Variants in ASMTL observed in about 807,000 individuals in gnomAD.
The protein encoded by ASMTL is acetylserotonin O-methyltransferase like, also known as probable bifunctional dTTP/UTP pyrophosphatase/methyltransferase protein.
Under a neutral mutation model 60.3 loss-of-function variants are expected in ASMTL, and 57 were observed. That is an observed-to-expected ratio of 0.95 (90% CI 0.76 to 1.18). The LOEUF is 1.18. Ranked by LOEUF, ASMTL falls within the 50% of genes most tolerant of loss-of-function variation. The pLI is 0.00. For synonymous variants in ASMTL, 419 were observed against 373.0 expected (o/e 1.12, Z -1.42); for missense variants, 981 against 852.6 (o/e 1.15, Z -1.88).
chrX:1,451,839 C>G (rs1428249503), intron 1 of ASMTL, among the ~76,000 whole-genome samples: 1 of 147,436 alleles, frequency 6.8e-6, no homozygotes, highest in African/African-American at 2.5e-5. Context: ...TTACTCTCCC[C>G]ATCCCCATCC....
At chrX:1,435,394 C>T (rs182372205) in intron 4 of ASMTL, 598 of 604,420 alleles carry the variant, frequency 9.9e-4, no homozygotes, top group East Asian at 4.7e-3. Context: ...TCCCAGGCTA[C>T]GGGCTCAGGT....
Position 1,417,979 on chromosome X carries a change from C to T in ASMTL, c.1516G>A (p.Ala506Thr), listed in dbSNP as rs1217812777. 38 of 1,608,242 alleles carry T rather than the reference C, an allele frequency of 2.4e-5. No homozygotes were observed. The highest frequency in any genetic ancestry group is 6.7e-5 in the African/African-American group (5 of 74,812). ...PGPQAVQIHF[A>T]AGDFFRDPLP... is the part of the protein sequence containing the mutation. ...GAACAGGAGGAGGGCTCACCTGCTG[C>T]GAAGTGGATCTGCACTGCCTGCGGT... Residue 506 changes from alanine (A) to threonine (T), a missense_variant, in exon 11 of 13, where the codon GCA becomes ACA. Coordinates refer to ENST00000381317, the MANE Select transcript of ASMTL (RefSeq NM_004192.4).
Position 1,403,278 on chromosome X carries a change from C to T in ASMTL, c.1857G>A (p.Val619=), listed in dbSNP as rs750519007. 54 of 1,612,744 alleles carry T rather than the reference C, an allele frequency of 3.3e-5. No individual in the cohort carries two copies. The highest frequency in any genetic ancestry group is 2.2e-4 in the Admixed American group (13 of 59,980). ...GVLDAILATK[V]AP is the part of the protein sequence containing the mutation. ...ACATGCTGCCTGGGCTTCAGGGGGCCACTTTGGTGGCCAAGATGGCATCCA... is the reference window on the plus strand; with the variant it reads ...ACATGCTGCCTGGGCTTCAGGGGGCTACTTTGGTGGCCAAGATGGCATCCA... Residue 619 remains valine (V), a synonymous_variant, in exon 13 of 13, where the codon GTG becomes GTA. Coordinates refer to ENST00000381317, the MANE Select transcript of ASMTL (RefSeq NM_004192.4).
intron 1 of ASMTL, among the ~76,000 whole-genome samples, chrX:1,449,234 G>T (rs185897644): frequency 5.3e-5 from 8 of 152,160 alleles, no homozygotes; most frequent in Admixed American, 5.2e-4. Context: ...TGACTGTGAA[G>T]CTGCTTTTCT....
At chrX:1,404,115 G>A (rs2089701262) in intron 12 of ASMTL, among the ~76,000 whole-genome samples, 1 of 151,842 alleles carries the variant, frequency 6.6e-6, no homozygotes, top group Non-Finnish European at 1.5e-5. Flanking sequence ...ATAGATGGGT[G>A]CATGGATGAG....
rs4590613 is a variant in ASMTL, at chrX:1,421,802, C to T, written c.1101G>A (p.Ser367=). 6,259 of 1,613,744 alleles carry T rather than the reference C, an allele frequency of 3.9e-3. 14 individuals are homozygous for T. Among genetic ancestry groups the T allele is most frequent in the Non-Finnish European group, 5.0e-3 (5,850 of 1,179,814 alleles). The change falls in exon 9 of 13, where the codon TCG becomes TCA. Residue 367 remains serine (S), a synonymous_variant. Transcript: ENST00000381317. The part of the protein sequence containing the change: ...NTETANVYLA[S]DGEYSLHGFI... ...AGCCGTGCAGAGAGTATTCGCCATC[C>T]GATGCCAGGTAGACGTTCGCTGTCT... is the stretch of plus-strand genomic sequence containing the variant.
Position 1,422,773 on chromosome X carries a change from A to G in ASMTL, c.1061-931T>C, listed in dbSNP as rs756894229. 3.3e-5 allele frequency among the ~76,000 whole-genome samples: 5 copies of G among 152,160 alleles called. No homozygotes were observed. In the South Asian group the frequency reaches 8.3e-4, roughly 25 times the overall value. On this transcript the variant is annotated intron_variant, in intron 8 of 12. Coordinates refer to ENST00000381317, the MANE Select transcript of ASMTL (RefSeq NM_004192.4). ...GGTTTGCTATAGTCAGATAGATGAC[A>G]TTTATTTTCATCATGAATAAATGAT...
intron 2 of ASMTL, among the ~76,000 whole-genome samples, chrX:1,440,429 G>A (rs1375736880): frequency 1.3e-5 from 2 of 152,298 alleles, no homozygotes; most frequent in Non-Finnish European, 2.9e-5. Flanking sequence ...GGTATATTGT[G>A]TGGTAACACA....
chrX:1,417,231 C>T (rs1422871386), intron 11 of ASMTL, among the ~76,000 whole-genome samples: 1 of 148,828 alleles, frequency 6.7e-6, no homozygotes, highest in African/African-American at 2.5e-5. Flanking sequence ...GGACACACAA[C>T]CACAGCAGTC....
chrX:1,427,548 G>T (rs1487381647), intron 7 of ASMTL, among the ~76,000 whole-genome samples, 186 bp downstream of exon 7: 1 of 152,054 alleles, frequency 6.6e-6, no homozygotes, highest in African/African-American at 2.4e-5. Flanking sequence ...GGGATGCCTG[G>T]AGCTGTCAGG....
intron 1 of ASMTL, among the ~76,000 whole-genome samples, chrX:1,446,407 CT>C (rs1344837436): frequency 6.6e-6 from 1 of 151,978 alleles, no homozygotes; most frequent in African/African-American, 2.4e-5. Flanking sequence ...TCTTTTATCT[CT>C]TTGTCTTGTG....
At chrX:1,420,901 T>A (rs1433769433) in intron 9 of ASMTL, among the ~76,000 whole-genome samples, 1 of 151,802 alleles carries the variant, frequency 6.6e-6, no homozygotes, top group Non-Finnish European at 1.5e-5. Context: ...GTTCAAGTGA[T>A]CTTCCCACCC....
At chrX:1,412,350 C>T (rs1603450470) in intron 12 of ASMTL, among the ~76,000 whole-genome samples, 2 of 152,048 alleles carry the variant, frequency 1.3e-5, no homozygotes, top group African/African-American at 4.8e-5. Context: ...GCCTCAGCCT[C>T]TGAAGTACCT....
At chrX:1,406,568 AGATGGCATG>A (rs1441143160) in intron 12 of ASMTL, among the ~76,000 whole-genome samples, 1 of 139,508 alleles carries the variant, frequency 7.2e-6, no homozygotes, top group African/African-American at 2.8e-5. Flanking sequence ...ATGGATGGAT[AGATGGCATG>A]GATGAGATGG....
intron 1 of ASMTL, among the ~76,000 whole-genome samples, chrX:1,442,569 G>A (rs1171374029): frequency 1.3e-5 from 2 of 152,080 alleles, no homozygotes; most frequent in African/African-American, 2.4e-5. Flanking sequence ...GGGCCTTCTT[G>A]GCTCTCGAGG....
chrX:1,412,908 C>T (rs1196874115), intron 11 of ASMTL, 54 bp from the exon 12 acceptor site: 1 of 1,603,876 alleles, frequency 6.2e-7, no homozygotes, highest in Admixed American at 1.7e-5. Context: ...AAGCAGTCCT[C>T]CCCGGACAGA....
chrX:1,416,881 G>A (rs867085732), intron 11 of ASMTL, among the ~76,000 whole-genome samples: 23 of 147,102 alleles, frequency 1.6e-4, no homozygotes, highest in Admixed American at 3.4e-4. Context: ...CCACAGACAC[G>A]CAGACACACA....
intron 5 of ASMTL, among the ~76,000 whole-genome samples, chrX:1,433,130 G>A (rs189932522): frequency 6.6e-6 from 1 of 152,092 alleles, no homozygotes; most frequent in East Asian, 1.9e-4. Context: ...ACAGATGTTT[G>A]GTCTGTGCCT....
chrX:1,412,772 G>A lies in ASMTL; in HGVS notation c.1605C>T (p.Val535=). 1.2e-6 allele frequency: 2 copies of A among 1,613,990 alleles called. No individual in the cohort carries two copies. Among genetic ancestry groups the A allele is most frequent in the Non-Finnish European group, 1.7e-6 (2 of 1,179,866 alleles). The change falls in exon 12 of 13, where the codon GTC becomes GTT. Residue 535 remains valine, a synonymous_variant. Coordinates refer to ENST00000381317, the MANE Select transcript of ASMTL (RefSeq NM_004192.4). ...RILHDWPDDK[V]HKLLSRVAES... is the part of the protein sequence containing the mutation. Reference sequence around the variant, plus strand: ...CGGCGACCCTGCTGAGTAACTTGTGGACTTTGTCGTCTGGCCAGTCATGCA... The same window carrying A: ...CGGCGACCCTGCTGAGTAACTTGTGAACTTTGTCGTCTGGCCAGTCATGCA...
Sources: gnomAD v4.1 joint callset for allele counts (sites outside exome capture counted in the v4.1 genomes callset) on GRCh38, gnomAD v4.1.1 for gene constraint, MANE v1.5 for transcripts, NCBI Gene and HGNC (gene_info 2026-07-23, HGNC 2026-07-21) for gene names.